ANTXR1: variants seen among roughly 807,000 people sequenced by gnomAD.
ANTXR1 encodes anthrax toxin receptor 1.
Under a neutral mutation model 78.1 loss-of-function variants are expected in ANTXR1, and 19 were observed. The observed-to-expected ratio is 0.24, with a 90% CI of 0.17 to 0.36. ANTXR1 has a LOEUF of 0.36. Among genes scored for constraint, ANTXR1 ranks in the 10% least tolerant of loss-of-function variants. ANTXR1 has a pLI of 1.00. For missense variants in ANTXR1, 518 were observed against 718.6 expected, an observed-to-expected ratio of 0.72 and a Z score of 3.19; for synonymous variants, 273 against 260.5, an observed-to-expected ratio of 1.05 and a Z score of -0.46.
chr2:69,033,898 A>G lies in ANTXR1; in HGVS notation c.153-6146A>G, dbSNP rs7563781. Among the ~76,000 whole-genome samples the G allele has an allele frequency of 9.8e-3, 1,497 of 152,302 alleles. 25 individuals carry two copies. The highest frequency in any genetic ancestry group is 0.034 in the African/African-American group (1,396 of 41,558). On this transcript the variant is annotated intron_variant, in intron 1 of 17. Transcript: ENST00000303714. The stretch of plus-strand genomic sequence containing the variant: ...TCTGACTCTGGTTGTATGTGTGGCT[A>G]ATGGAAAGAGCCTGTGTTTTCTAAG...
At chr2:69,182,932 A>G (rs961936614) in intron 16 of ANTXR1, 2 of 469,986 alleles carry the variant, frequency 4.3e-6, no homozygotes, top group African/African-American at 4.0e-5. Context: ...GAAGATTAGC[A>G]TGACCCCTGG....
intron 11 of ANTXR1, among the ~76,000 whole-genome samples, 167 bp from the exon 12 acceptor site, chr2:69,124,398 C>T (rs566552046): frequency 2.6e-5 from 4 of 152,276 alleles, no homozygotes; most frequent in African/African-American, 7.2e-5. Flanking sequence ...AGACTACCCC[C>T]GACATTTTAC....
intron 6 of ANTXR1, among the ~76,000 whole-genome samples, chr2:69,075,272 T>C (rs910132905): frequency 3.3e-5 from 5 of 152,170 alleles, no homozygotes; most frequent in African/African-American, 9.7e-5. Context: ...TAAAAATCCA[T>C]CAAAGGAATG....
At chr2:69,232,426 A>G (rs1212666291) in intron 17 of ANTXR1, among the ~76,000 whole-genome samples, 1 of 152,032 alleles carries the variant, frequency 6.6e-6, no homozygotes, top group Non-Finnish European at 1.5e-5. Flanking sequence ...ATAAGGGATT[A>G]AACTCTTGCT....
intron 13 of ANTXR1, among the ~76,000 whole-genome samples, chr2:69,158,078 G>C (rs548174756): frequency 6.6e-6 from 1 of 152,272 alleles, no homozygotes; most frequent in East Asian, 1.9e-4. Context: ...AAAATTGCCT[G>C]TTTGCTTGTC....
At chr2:69,036,950 G>C (rs1028533132) in intron 1 of ANTXR1, among the ~76,000 whole-genome samples, 8 of 152,196 alleles carry the variant, frequency 5.3e-5, no homozygotes, top group African/African-American at 1.9e-4. Flanking sequence ...AGGATGGCCA[G>C]GTCTTTATGA....
chr2:69,140,877 T>C (rs1388153208), intron 12 of ANTXR1, among the ~76,000 whole-genome samples: 1 of 152,200 alleles, frequency 6.6e-6, no homozygotes, highest in African/African-American at 2.4e-5. Context: ...ACTGCCCCAC[T>C]TTGGGTTAAG....
intron 15 of ANTXR1, 49 bp from the exon 16 acceptor site, chr2:69,182,444 G>A (rs1160074424): frequency 1.2e-6 from 2 of 1,603,856 alleles, no homozygotes; most frequent in South Asian, 2.2e-5. Flanking sequence ...TCATTCTCGA[G>A]GGGCAGCATA....
intron 12 of ANTXR1, among the ~76,000 whole-genome samples, chr2:69,139,996 C>T (rs1281083674): frequency 6.6e-6 from 1 of 152,214 alleles, no homozygotes; most frequent in Non-Finnish European, 1.5e-5. Context: ...CAAGCTACAT[C>T]TTGTCTGGAT....
chr2:69,105,456 C>G (rs965552246), intron 10 of ANTXR1, among the ~76,000 whole-genome samples: 1 of 152,212 alleles, frequency 6.6e-6, no homozygotes, highest in Non-Finnish European at 1.5e-5. Flanking sequence ...GGAAAAATAG[C>G]GTTTGAGGAA....
chr2:69,077,380 T>G, intron 7 of ANTXR1, 28 bp from the exon 8 acceptor site: 2 of 1,610,840 alleles, frequency 1.2e-6, no homozygotes, highest in Non-Finnish European at 1.7e-6. Flanking sequence ...AGTCTCCCCA[T>G]GTGTTTGTGT....
chr2:69,109,476 T>C (rs1231948159), intron 10 of ANTXR1, among the ~76,000 whole-genome samples: 5 of 152,192 alleles, frequency 3.3e-5, no homozygotes, highest in Admixed American at 2.0e-4. Context: ...GCTGCAGTAA[T>C]TGGAACAATG....
intron 17 of ANTXR1, among the ~76,000 whole-genome samples, chr2:69,215,354 G>A (rs2104503537): frequency 6.6e-6 from 1 of 152,356 alleles, no homozygotes; most frequent in East Asian, 1.9e-4. Context: ...TGGCTGAAGA[G>A]TCCAAGCATC....
chr2:69,189,352 A>C (rs961552666), intron 16 of ANTXR1, among the ~76,000 whole-genome samples: 1 of 152,238 alleles, frequency 6.6e-6, no homozygotes, highest in African/African-American at 2.4e-5. Flanking sequence ...GAAAGTAGAA[A>C]GTACTTATCC....
intron 14 of ANTXR1, among the ~76,000 whole-genome samples, chr2:69,177,053 A>C (rs1322515573): frequency 6.6e-6 from 1 of 152,248 alleles, no homozygotes; most frequent in Non-Finnish European, 1.5e-5. Flanking sequence ...GGAGTGAGGC[A>C]GTCCCAGAAT....
chr2:69,197,769 T>G (rs1471305564), intron 17 of ANTXR1, among the ~76,000 whole-genome samples: 1 of 152,186 alleles, frequency 6.6e-6, no homozygotes, highest in Non-Finnish European at 1.5e-5. Flanking sequence ...TTGGCCACTC[T>G]TTGAGTTCAG....
chr2:69,096,375 A>C, intron 9 of ANTXR1, among the ~76,000 whole-genome samples: 1 of 118,086 alleles, frequency 8.5e-6, no homozygotes, highest in African/African-American at 3.5e-5. Flanking sequence ...GAAGGGAGGA[A>C]GGAGGGAAGG....
chr2:69,030,023 C>T (rs1156367014), intron 1 of ANTXR1, among the ~76,000 whole-genome samples: 1 of 152,222 alleles, frequency 6.6e-6, no homozygotes, highest in East Asian at 1.9e-4. Context: ...AGCTCCCAAA[C>T]TCCTCTTTTC....
At chr2:69,173,752 C>T (rs7588099) in intron 14 of ANTXR1, among the ~76,000 whole-genome samples, 9,490 of 152,208 alleles carry the variant, frequency 0.062, 985 homozygotes, top group African/African-American at 0.22. Context: ...AGCAGGAAGC[C>T]CCATGACTGA....
Sources: allele counts gnomAD v4.1 joint callset (sites outside exome capture counted in the v4.1 genomes callset), GRCh38; gene constraint gnomAD v4.1.1; transcripts MANE v1.5; gene names NCBI Gene and HGNC (gene_info 2026-07-23, HGNC 2026-07-21).